The following UGT1A4 variants were observed in gnomAD, a reference collection of about 807,000 sequenced individuals.
UGT1A4 encodes the protein UDP glucuronosyltransferase family 1 member A4, also known as UDP-glucuronosyltransferase 1A4.
UGT1A4 carries 32 observed loss-of-function variants against 41.1 expected under a neutral mutation model. The observed-to-expected ratio is 0.78, with a 90% confidence interval of 0.59 to 1.05. UGT1A4 has a LOEUF of 1.05. Ranked by LOEUF, UGT1A4 falls within the 50% of genes least tolerant of loss-of-function variation. The pLI, the probability that UGT1A4 is intolerant of heterozygous loss-of-function variation, is 0.00. For synonymous variants in UGT1A4, 283 were observed against 265.1 expected, an observed-to-expected ratio of 1.07 and a Z score of -0.66; for missense variants, 748 against 677.4, an observed-to-expected ratio of 1.10 and a Z score of -1.16.
At chr2:233,762,213 C>T (rs889171473) in intron 1 of UGT1A4, among the ~76,000 whole-genome samples, 1 of 152,104 alleles carries the variant, frequency 6.6e-6, no homozygotes, top group Non-Finnish European at 1.5e-5. Flanking sequence ...ATTTGGCGCC[C>T]CATAAATCTC....
chr2:233,729,846 G>T, intron 1 of UGT1A4: 1 of 1,613,888 alleles, frequency 6.2e-7, no homozygotes, highest in Admixed American at 1.7e-5. Context: ...AGCTTTTTCA[G>T]AGAGAGGTGT....
Position 233,769,437 on chromosome 2 carries a change from G to T in UGT1A4, c.1307+998G>T. On this transcript the variant is annotated intron_variant, in intron 4 of 4. Transcript: ENST00000373409. The surrounding 1 kb of genome is among the most constrained non-coding windows in gnomAD (Gnocchi z 4.4). ...TTTGTGCATGTGGCTGTGCTCATGT[G>T]TGGGTGCACACGTGTGCATTCATAT... 1 of 1,560,038 alleles carries T rather than the reference G, an allele frequency of 6.4e-7. No homozygotes were observed. Among genetic ancestry groups the T allele is most frequent in the Non-Finnish European group, 8.8e-7 (1 of 1,136,330 alleles).
chr2:233,760,863 C>A, intron 1 of UGT1A4: 1 of 1,614,134 alleles, frequency 6.2e-7, no homozygotes, highest in Non-Finnish European at 8.5e-7. Flanking sequence ...CATTCTCCTA[C>A]GTGCCCAGGC....
intron 1 of UGT1A4, chr2:233,729,470 CAATGTTGAACA>C: frequency 6.2e-7 from 1 of 1,614,122 alleles, no homozygotes; most frequent in African/African-American, 1.3e-5. Context: ...AGAAGTATGG[CAATGTTGAACA>C]ATATGTCTTT....
intron 1 of UGT1A4, chr2:233,755,910 A>C (rs1252525299): frequency 2.6e-5 from 4 of 151,394 alleles, no homozygotes; most frequent in African/African-American, 7.3e-5. Flanking sequence ...AAATGTAGTG[A>C]GAAGAGTGGC....
intron 1 of UGT1A4, among the ~76,000 whole-genome samples, chr2:233,752,978 A>C (rs961719654): frequency 2.0e-5 from 3 of 152,180 alleles, no homozygotes; most frequent in Admixed American, 6.5e-5. Context: ...AATTGTGTAG[A>C]TACAAACCCA....
Position 233,727,952 on chromosome 2 carries a change from C to T in UGT1A4, c.867+8265C>T, listed in dbSNP as rs370815367. On this transcript the variant is annotated intron_variant, in intron 1 of 4. Coordinates refer to ENST00000373409, the MANE Select transcript of UGT1A4 (RefSeq NM_007120.3). ...AAGTGCACACCCCAGACAGCCTGCC[C>T]ACATCATCCTGAGGTGACCAGGACA... 3.3e-5 allele frequency among the ~76,000 whole-genome samples: 5 copies of T among 152,204 alleles called. No homozygotes were observed. In the East Asian group the frequency reaches 7.7e-4, roughly 23 times the overall value.
At chr2:233,731,900 A>G (rs2078218151) in intron 1 of UGT1A4, among the ~76,000 whole-genome samples, 1 of 152,238 alleles carries the variant, frequency 6.6e-6, no homozygotes. Flanking sequence ...CACTCCCACC[A>G]ATGGTGTAAA....
intron 1 of UGT1A4, chr2:233,747,729 T>A: frequency 6.2e-7 from 1 of 1,613,510 alleles, no homozygotes. Context: ...TGTGTTTTTT[T>A]TGAGGAACAT....
At chr2:233,745,354 T>C (rs893608490) in intron 1 of UGT1A4, among the ~76,000 whole-genome samples, 4 of 151,848 alleles carry the variant, frequency 2.6e-5, no homozygotes, top group African/African-American at 9.7e-5. Flanking sequence ...TTTGGGGGAA[T>C]TTTTTTGAGA....
At chr2:233,742,666 A>G (rs1212391572) in intron 1 of UGT1A4, 1 of 152,150 alleles carries the variant, frequency 6.6e-6, no homozygotes, top group African/African-American at 2.4e-5. Context: ...TGTAACCCCA[A>G]GGTTTGTCCT....
chr2:233,729,222 G>A (rs778525530), intron 1 of UGT1A4: 3 of 1,614,150 alleles, frequency 1.9e-6, no homozygotes, highest in Middle Eastern at 1.7e-4. Flanking sequence ...GAAAGGTGTT[G>A]GTGGTGCCCA....
intron 1 of UGT1A4, among the ~76,000 whole-genome samples, chr2:233,745,770 A>C (rs1250440901): frequency 1.3e-5 from 2 of 148,808 alleles, no homozygotes. Flanking sequence ...GAGAGGAGGA[A>C]TGAGCTTAGA....
chr2:233,741,972 T>G (rs888756569), intron 1 of UGT1A4: 7 of 151,906 alleles, frequency 4.6e-5, no homozygotes, highest in African/African-American at 1.7e-4. Context: ...GTGTTTATGG[T>G]GCCTCACCCA....
rs1377722142 is a variant in UGT1A4 at position 233,725,198 on chromosome 2, AGAGGCAGAGGCAGAGGCAGAG to A, written c.867+5528_867+5548del. Reference sequence around the variant, plus strand: ...CGTGGGGAGAGGCAGAGGCAGAGGCAGAGGCAGAGGCAGAGGCAGAGGAGGCAGAGGCAGAGGAGGCAGAGG... The same window carrying A: ...CGTGGGGAGAGGCAGAGGCAGAGGCAGAGGCAGAGGCAGAGGAGGCAGAGG... On this transcript the variant is annotated intron_variant, in intron 1 of 4. Coordinates refer to ENST00000373409, the MANE Select transcript of UGT1A4 (RefSeq NM_007120.3). 4.5e-3 allele frequency among the ~76,000 whole-genome samples: 386 copies of A among 86,592 alleles called. 89 individuals carry two copies. Among genetic ancestry groups the A allele is most frequent in the African/African-American group, 0.033 (341 of 10,250 alleles). The allele number at this position is 86,592 out of a possible 152,430, so 56.8% of individuals were successfully genotyped here. A position where few individuals can be genotyped will look rare whatever the true frequency, so the allele number is the denominator to read the frequency against.
intron 1 of UGT1A4, among the ~76,000 whole-genome samples, chr2:233,746,337 C>A (rs1693368199): frequency 6.6e-6 from 1 of 151,668 alleles, no homozygotes; most frequent in Admixed American, 6.6e-5. Context: ...GGGCAATGGA[C>A]ATGTTTATGT....
Position 233,718,845 on chromosome 2 carries a change from C to T in UGT1A4, c.25C>T (p.Leu9=), listed in dbSNP as rs372864250. ...GATGGCCAGAGGACTCCAGGTTCCC[C>T]TGCCGCGGCTGGCCACAGGACTGCT... MARGLQVP[L]PRLATGLLLL... is the part of the protein sequence containing the mutation. The change falls in exon 1 of 5, where the codon CTG becomes TTG. Residue 9 remains leucine, a synonymous_variant. Coordinates refer to ENST00000373409, the MANE Select transcript of UGT1A4 (RefSeq NM_007120.3). The T allele has an allele frequency of 3.7e-6, 6 of 1,613,704 alleles. No homozygotes were observed. The highest frequency in any genetic ancestry group is 5.1e-6 in the Non-Finnish European group (6 of 1,179,956).
chr2:233,763,622 CTT>C (rs1698359948), intron 1 of UGT1A4, among the ~76,000 whole-genome samples: 1 of 152,186 alleles, frequency 6.6e-6, no homozygotes, highest in Non-Finnish European at 1.5e-5. Context: ...TACCATTCCT[CTT>C]GTGTTGATGG....
intron 1 of UGT1A4, chr2:233,755,289 T>C (rs1695843329): frequency 6.1e-6 from 4 of 651,342 alleles, no homozygotes; most frequent in Non-Finnish European, 9.5e-6. Context: ...CCAAAGAGCC[T>C]GCGGGGCACT....
Sources: allele counts gnomAD v4.1 joint callset (sites outside exome capture counted in the v4.1 genomes callset), GRCh38; gene constraint gnomAD v4.1.1; non-coding constraint Gnocchi (gnomAD v3.1); transcripts MANE v1.5; gene names NCBI Gene and HGNC (gene_info 2026-07-23, HGNC 2026-07-21).